The following TJP1 variants were observed in gnomAD, a reference collection of about 807,000 sequenced individuals.
TJP1 encodes tight junction protein 1, also known as tight junction protein ZO-1.
TJP1 carries 43 observed loss-of-function variants against 194.2 expected under a neutral mutation model. That is an observed-to-expected ratio of 0.22 (90% CI 0.17 to 0.29). The LOEUF is 0.29. Ranked by LOEUF, TJP1 falls within the 10% of genes least tolerant of loss-of-function variation. The pLI is 1.00. For missense variants in TJP1, 1,971 were observed against 2,185.7 expected (o/e 0.90, Z 1.96); for synonymous variants, 801 against 779.0 (o/e 1.03, Z -0.47).
chr15:29,705,374 T>C (rs1487368435), intron 26 of TJP1, among the ~76,000 whole-genome samples, 154 bp downstream of exon 26: 1 of 152,196 alleles, frequency 6.6e-6, no homozygotes, highest in Non-Finnish European at 1.5e-5. Flanking sequence ...CACCCACTGC[T>C]TGCTTGCAAC....
intron 13 of TJP1, 90 bp from the exon 14 acceptor site, chr15:29,732,905 T>C: frequency 1.5e-6 from 2 of 1,337,740 alleles, no homozygotes; most frequent in African/African-American, 1.5e-5. Flanking sequence ...CAATACTGGA[T>C]GGAAGTTCAC....
chr15:29,732,454 GTTC>G lies in TJP1; in HGVS notation c.1993_1995del (p.Glu665del). The G allele has an allele frequency of 6.2e-7, 1 of 1,613,512 alleles. No individual in the cohort carries two copies. Among genetic ancestry groups the G allele is most frequent in the Non-Finnish European group, 8.5e-7 (1 of 1,180,008 alleles). ...TTACTTGCAATTTGATAAATATCTG[GTTC>G]TTCTCTTGCCAGCTTTTCTCTGGCA... is the stretch of plus-strand genomic sequence containing the variant. On this transcript the variant is annotated inframe_deletion, in exon 15 of 28. Transcript: ENST00000614355.
At chr15:29,750,546 A>C (rs1427432445) in intron 8 of TJP1, among the ~76,000 whole-genome samples, 1 of 152,174 alleles carries the variant, frequency 6.6e-6, no homozygotes, top group Admixed American at 6.5e-5. Flanking sequence ...CTGTTCATGG[A>C]AACTGTGCTT....
At chr15:29,799,708 C>A (rs2048656852) in intron 2 of TJP1, among the ~76,000 whole-genome samples, 1 of 152,162 alleles carries the variant, frequency 6.6e-6, no homozygotes, top group Non-Finnish European at 1.5e-5. Context: ...AGCCACCACA[C>A]CCAGCCAAAA....
chr15:29,904,437 C>A (rs151047706), intron 2 of TJP1, among the ~76,000 whole-genome samples: 3 of 151,992 alleles, frequency 2.0e-5, no homozygotes, highest in Non-Finnish European at 4.4e-5. Context: ...ATCTGGATTG[C>A]AGAGGAAGAG....
chr15:29,949,682 T>A (rs1384424810), intron 2 of TJP1, among the ~76,000 whole-genome samples: 16 of 30,210 alleles, frequency 5.3e-4, no homozygotes, highest in African/African-American at 1.7e-3. Context: ...CACCTCCACC[T>A]TCACCACCAC....
intron 8 of TJP1, chr15:29,760,173 A>T: frequency 1.4e-6 from 1 of 700,848 alleles, no homozygotes; most frequent in Non-Finnish European, 2.6e-6. Flanking sequence ...GCAGTTAACC[A>T]TGGGTCAGGT....
intron 2 of TJP1, among the ~76,000 whole-genome samples, chr15:29,949,629 C>T: frequency 1.6e-5 from 2 of 125,542 alleles, no homozygotes; most frequent in African/African-American, 2.8e-5. Flanking sequence ...ACCACCTCCA[C>T]CTCCACCACC....
Position 29,944,161 on chromosome 15 carries a change from T to C in TJP1, c.306+12071A>G, listed in dbSNP as rs949429042. Among the ~76,000 whole-genome samples, 13 of 151,744 alleles carry C rather than the reference T, an allele frequency of 8.6e-5. No individual in the cohort carries two copies. The East Asian group carries it at 2.6e-3, about 30-fold the overall frequency. On this transcript the variant is annotated intron_variant, in intron 2 of 28. Coordinates refer to the TJP1 transcript ENST00000356107. ...AGGCTGGAGTGCAGTGGTGCAATCT[T>C]GGCTCACTGCAAGCTCCGCCTCCCG...
chr15:29,808,232 C>T (rs2049239493), intron 1 of TJP1, among the ~76,000 whole-genome samples: 1 of 152,184 alleles, frequency 6.6e-6, no homozygotes, highest in South Asian at 2.1e-4. Context: ...TGCACCACTG[C>T]ACTCCAGCCT....
At chr15:29,759,420 G>A (rs2045853529) in intron 8 of TJP1, 1 of 152,138 alleles carries the variant, frequency 6.6e-6, no homozygotes, top group Admixed American at 6.5e-5. Flanking sequence ...ATATTCAAAT[G>A]ATGACCGAGA....
intron 4 of TJP1, among the ~76,000 whole-genome samples, chr15:29,771,169 T>C (rs1712131900): frequency 6.6e-6 from 1 of 152,182 alleles, no homozygotes; most frequent in Admixed American, 6.5e-5. Flanking sequence ...ACATAATATA[T>C]CTATTATGAG....
chr15:29,734,312 C>T lies in TJP1; in HGVS notation c.1478G>A (p.Gly493Glu). Reference protein sequence around the residue: ...AVLFLLDLPKGEEVTILAQKK... With the variant: ...AVLFLLDLPKEEEVTILAQKK... ...CTGAGCCAATATGGTCACTTCTTCT[C>T]CTTTAGGGAGGTCAAGCAGGAAAAG... is the stretch of plus-strand genomic sequence containing the variant. The change falls in exon 12 of 28, where the codon GGA (glycine) becomes GAA (glutamate). Residue 493 changes from glycine (G) to glutamate (E), a missense_variant. Gly to Glu is a moderately conservative substitution (Grantham distance 98, BLOSUM62 -2). Transcript: ENST00000614355. The T allele has an allele frequency of 3.1e-6, 5 of 1,613,334 alleles. No homozygotes were observed. The highest frequency in any genetic ancestry group is 3.4e-6 in the Non-Finnish European group (4 of 1,179,832).
intron 2 of TJP1, among the ~76,000 whole-genome samples, chr15:29,866,456 G>A (rs1347478160): frequency 6.6e-6 from 1 of 152,144 alleles, no homozygotes; most frequent in Non-Finnish European, 1.5e-5. Flanking sequence ...TTTGAACATG[G>A]CTTTGGCAGA....
chr15:29,752,582 C>T (rs2045360639), intron 8 of TJP1, among the ~76,000 whole-genome samples: 1 of 151,990 alleles, frequency 6.6e-6, no homozygotes, highest in African/African-American at 2.4e-5. Context: ...CTCTTTTGGC[C>T]CCTCACAAAA....
intron 2 of TJP1, among the ~76,000 whole-genome samples, chr15:29,928,957 C>G (rs1240867307): frequency 6.6e-6 from 1 of 151,690 alleles, no homozygotes; most frequent in Non-Finnish European, 1.5e-5. Context: ...AAAACCAAAA[C>G]AAAACACACA....
chr15:29,872,863 C>G (rs1032707908), intron 2 of TJP1, among the ~76,000 whole-genome samples: 21 of 152,210 alleles, frequency 1.4e-4, no homozygotes, highest in African/African-American at 5.1e-4. Flanking sequence ...CAGGGGATCT[C>G]AAATGCCCTC....
intron 2 of TJP1, among the ~76,000 whole-genome samples, chr15:29,871,469 G>A (rs1375329712): frequency 2.0e-5 from 3 of 152,350 alleles, no homozygotes; most frequent in East Asian, 1.9e-4. Context: ...TAGGAGAAGC[G>A]AAGCCATTGG....
intron 2 of TJP1, among the ~76,000 whole-genome samples, chr15:29,855,660 AG>A (rs1222688265): frequency 6.6e-6 from 1 of 152,172 alleles, no homozygotes; most frequent in African/African-American, 2.4e-5. Context: ...GTTCAAGACC[AG>A]CCTGGCCAAC....
Sources: gnomAD v4.1 joint callset for allele counts (sites outside exome capture counted in the v4.1 genomes callset) on GRCh38, gnomAD v4.1.1 for gene constraint, MANE v1.5 for transcripts, NCBI Gene and HGNC (gene_info 2026-07-23, HGNC 2026-07-21) for gene names.